Variants in GRM8 observed in about 807,000 individuals in gnomAD.
GRM8 encodes the protein glutamate metabotropic receptor 8, also known as metabotropic glutamate receptor 8.
A neutral mutation model predicts 87.2 loss-of-function variants in GRM8; 47 were observed. The observed-to-expected ratio is 0.54, with a 90% CI of 0.43 to 0.69. The LOEUF (loss-of-function observed/expected upper bound fraction) is 0.69, where lower values mean the gene tolerates loss of function less well. Among genes scored for constraint, GRM8 ranks in the 30% least tolerant of loss-of-function variants. The pLI is 0.00. For missense variants in GRM8, 1,019 were observed against 1,139.2 expected (o/e 0.89, Z 1.52); for synonymous variants, 396 against 404.5 (o/e 0.98, Z 0.25).
intron 3 of GRM8, among the ~76,000 whole-genome samples, chr7:127,100,234 C>A (rs1031788214): frequency 6.6e-6 from 1 of 152,142 alleles, no homozygotes; most frequent in Admixed American, 6.5e-5. Flanking sequence ...CATGTAGGAA[C>A]CCTAGCCCTA....
At chr7:126,815,892 G>A (rs1036681721) in intron 6 of GRM8, among the ~76,000 whole-genome samples, 11 of 152,036 alleles carry the variant, frequency 7.2e-5, no homozygotes, top group Non-Finnish European at 1.6e-4. Context: ...GGGAAATGAT[G>A]ACTATATGTA....
chr7:127,071,174 A>T (rs1821645216), intron 3 of GRM8, among the ~76,000 whole-genome samples: 1 of 152,178 alleles, frequency 6.6e-6, no homozygotes, highest in African/African-American at 2.4e-5. Context: ...TAGTTTAAGC[A>T]AATGTCCTTT....
chr7:127,126,706 CA>C (rs1827393237), intron 2 of GRM8, among the ~76,000 whole-genome samples: 2 of 151,768 alleles, frequency 1.3e-5, no homozygotes, highest in Non-Finnish European at 2.9e-5. Flanking sequence ...AGAAAAGACA[CA>C]AAAAGCACAG....
At chr7:126,606,694 C>A (rs531557347) in intron 8 of GRM8, among the ~76,000 whole-genome samples, 1 of 152,088 alleles carries the variant, frequency 6.6e-6, no homozygotes, top group Non-Finnish European at 1.5e-5. Context: ...TTTTCCATTT[C>A]GGTAAAACCC....
At chr7:126,472,293 T>C (rs13223858) in intron 9 of GRM8, among the ~76,000 whole-genome samples, 22,377 of 152,168 alleles carry the variant, frequency 0.15, 1,778 homozygotes, top group South Asian at 0.18. Context: ...TTCCAGTTTT[T>C]GCCCATTCAG....
chr7:127,248,714 C>T (rs1798705470), intron 1 of GRM8, among the ~76,000 whole-genome samples: 3 of 152,238 alleles, frequency 2.0e-5, no homozygotes, highest in Admixed American at 2.0e-4. Flanking sequence ...GTCTAACAAT[C>T]TGTCCTAGAA....
intron 7 of GRM8, among the ~76,000 whole-genome samples, chr7:126,640,765 C>T (rs1018160453): frequency 1.3e-5 from 2 of 151,978 alleles, no homozygotes; most frequent in Admixed American, 6.6e-5. Flanking sequence ...TTCCTTCTTC[C>T]TTTCTGCTCT....
At chr7:126,742,471 G>A (rs1015204962) in intron 7 of GRM8, among the ~76,000 whole-genome samples, 7 of 151,790 alleles carry the variant, frequency 4.6e-5, no homozygotes, top group African/African-American at 7.3e-5. Context: ...AGCATTTCAA[G>A]GATTAACCTC....
At chr7:126,902,446 A>T in intron 6 of GRM8, 96 bp downstream of exon 6, 1 of 991,296 alleles carries the variant, frequency 1.0e-6, no homozygotes, top group Non-Finnish European at 1.5e-6. Flanking sequence ...TAGAAAATAC[A>T]TTCATCATTA....
intron 3 of GRM8, among the ~76,000 whole-genome samples, chr7:126,954,636 T>A (rs905062424): frequency 6.6e-6 from 1 of 152,214 alleles, no homozygotes; most frequent in African/African-American, 2.4e-5. Flanking sequence ...CTAACTGTGC[T>A]ACTGAAGCAA....
At chr7:126,517,830 C>A (rs1479948899) in intron 9 of GRM8, among the ~76,000 whole-genome samples, 1 of 151,954 alleles carries the variant, frequency 6.6e-6, no homozygotes, top group East Asian at 1.9e-4. Flanking sequence ...AGATAGATTG[C>A]CCCATAGGAT....
At chr7:127,175,316 A>G (rs17862311) in intron 2 of GRM8, among the ~76,000 whole-genome samples, 13,786 of 152,166 alleles carry the variant, frequency 0.091, 717 homozygotes, top group Middle Eastern at 0.13. Flanking sequence ...AAACTTCAAG[A>G]ACTAAAATGC....
chr7:126,619,619 T>C (rs1799900805), intron 7 of GRM8, among the ~76,000 whole-genome samples: 1 of 152,232 alleles, frequency 6.6e-6, no homozygotes, highest in Non-Finnish European at 1.5e-5. Flanking sequence ...TAAATTATGC[T>C]CACATTTTCC....
intron 3 of GRM8, among the ~76,000 whole-genome samples, chr7:126,956,975 G>C (rs1808759633): frequency 6.6e-6 from 1 of 152,210 alleles, no homozygotes; most frequent in African/African-American, 2.4e-5. Flanking sequence ...ACCTTCTAAT[G>C]AGTACATGAA....
At chr7:126,751,075 A>G (rs927267937) in intron 7 of GRM8, among the ~76,000 whole-genome samples, 1 of 152,110 alleles carries the variant, frequency 6.6e-6, no homozygotes, top group Non-Finnish European at 1.5e-5. Flanking sequence ...ATATAGAAAT[A>G]ATGCCTAGAA....
At chr7:127,081,214 T>G (rs1241395255) in intron 3 of GRM8, among the ~76,000 whole-genome samples, 1 of 152,092 alleles carries the variant, frequency 6.6e-6, no homozygotes, top group Non-Finnish European at 1.5e-5. Context: ...CCCACCTGCC[T>G]CCACCCTGAA....
At chr7:126,983,278 G>T (rs1811723971) in intron 3 of GRM8, among the ~76,000 whole-genome samples, 1 of 151,822 alleles carries the variant, frequency 6.6e-6, no homozygotes, top group Non-Finnish European at 1.5e-5. Flanking sequence ...GCCATCAAAA[G>T]GCCATCCTGA....
chr7:126,641,776 G>GGGT (rs1359287833), intron 7 of GRM8, among the ~76,000 whole-genome samples: 1 of 152,156 alleles, frequency 6.6e-6, no homozygotes, highest in Non-Finnish European at 1.5e-5. Context: ...AGAGACTGGA[G>GGGT]GGTGGGTGGG....
chr7:126,792,251 C>T (rs1821427763), intron 6 of GRM8, among the ~76,000 whole-genome samples: 1 of 152,190 alleles, frequency 6.6e-6, no homozygotes, highest in African/African-American at 2.4e-5. Context: ...ACGGTGAATG[C>T]TTGTGCTCTC....
Sources: allele counts gnomAD v4.1 joint callset (sites outside exome capture counted in the v4.1 genomes callset), GRCh38; gene constraint gnomAD v4.1.1; transcripts MANE v1.5; gene names NCBI Gene and HGNC (gene_info 2026-07-23, HGNC 2026-07-21).